The following FGD6 variants were observed in gnomAD, a reference collection of about 807,000 sequenced individuals.
The protein encoded by FGD6 is FYVE, RhoGEF and PH domain-containing protein 6.
A neutral mutation model predicts 149.4 loss-of-function variants in FGD6; 90 were observed. That is an observed-to-expected ratio of 0.60 (90% CI 0.51 to 0.72). The LOEUF (loss-of-function observed/expected upper bound fraction) is 0.72. FGD6 is among the 30% of genes least tolerant of loss of function. FGD6 has a pLI of 0.00. For missense variants in FGD6, 1,437 were observed against 1,684.8 expected, an observed-to-expected ratio of 0.85 and a Z score of 2.57; for synonymous variants, 527 against 584.0, an observed-to-expected ratio of 0.90 and a Z score of 1.41.
At chr12:95,169,417 A>G (rs1021334515) in intron 3 of FGD6, among the ~76,000 whole-genome samples, 1 of 152,182 alleles carries the variant, frequency 6.6e-6, no homozygotes, top group East Asian at 1.9e-4. Context: ...AAAATTTAAC[A>G]GGGCTACTGC....
intron 2 of FGD6, among the ~76,000 whole-genome samples, chr12:95,201,854 G>GA (rs1195056252): frequency 3.3e-5 from 5 of 151,766 alleles, no homozygotes; most frequent in Non-Finnish European, 7.4e-5. Context: ...CACAGCAATG[G>GA]AAAACTAGTT....
chr12:95,217,335 C>T lies in FGD6; in HGVS notation c.-95G>A, dbSNP rs1368490237. The T allele has an allele frequency of 7.0e-7, 1 of 1,438,716 alleles. No individual in the cohort carries two copies. Among genetic ancestry groups the T allele is most frequent in the Non-Finnish European group, 9.3e-7 (1 of 1,080,722 alleles). The allele number at this position is 1,438,716 out of a possible 1,614,324, so 89.1% of individuals were successfully genotyped here. On this transcript the variant is annotated 5_prime_UTR_variant, in exon 1 of 21. Transcript: ENST00000343958. ...CACAGTTCGGGTAGGAGAGAAAAGC[C>T]CCCGCAGCGCCCACATTCCGTCCCG...
intron 14 of FGD6, among the ~76,000 whole-genome samples, chr12:95,099,884 G>A (rs973188083): frequency 1.3e-5 from 2 of 149,728 alleles, no homozygotes; most frequent in Admixed American, 1.3e-4. Context: ...GGTACTAGGG[G>A]AGTACTAGGC....
chr12:95,154,463 T>G (rs1308246099), intron 3 of FGD6, among the ~76,000 whole-genome samples: 2 of 152,164 alleles, frequency 1.3e-5, no homozygotes, highest in Non-Finnish European at 2.9e-5. Context: ...GGAGAGAAGC[T>G]TCTCTCCATT....
intron 19 of FGD6, chr12:95,085,399 C>T (rs144000553): frequency 0.019 from 3,477 of 186,380 alleles, 58 homozygotes; most frequent in Admixed American, 0.027. Context: ...GACGGGGTTT[C>T]GCCATGTTGG....
At chr12:95,092,974 A>G (rs1320509730) in intron 15 of FGD6, 129 bp from the exon 16 acceptor site, 1 of 1,065,186 alleles carries the variant, frequency 9.4e-7, no homozygotes, top group Non-Finnish European at 1.3e-6. Context: ...TAATCCCAGC[A>G]TTTTGGGAGG....
chr12:95,089,902 T>G (rs1012522050), intron 17 of FGD6, among the ~76,000 whole-genome samples: 1 of 152,046 alleles, frequency 6.6e-6, no homozygotes, highest in Non-Finnish European at 1.5e-5. Flanking sequence ...CTTTTTGAAC[T>G]TTATGTGAAA....
At chr12:95,084,443 CCATTAAAAAACTGAAATCTCATGAAT>C in intron 20 of FGD6, 29 bp downstream of exon 20, 1 of 1,421,474 alleles carries the variant, frequency 7.0e-7, no homozygotes, top group Non-Finnish European at 9.2e-7. Context: ...TTACAAGCAA[CCATTAAAAAACTGAAATCTCATGAAT>C]AAAAGAAAAA....
chr12:95,129,789 T>C (rs982657015), intron 8 of FGD6, among the ~76,000 whole-genome samples: 2 of 152,086 alleles, frequency 1.3e-5, no homozygotes, highest in Admixed American at 1.3e-4. Flanking sequence ...TCTCCTGCCT[T>C]AGCCTCCTGA....
intron 18 of FGD6, among the ~76,000 whole-genome samples, chr12:95,087,425 T>C (rs987153354): frequency 1.3e-5 from 2 of 152,174 alleles, no homozygotes; most frequent in African/African-American, 4.8e-5. Context: ...CTAGAAACTT[T>C]CTTCCTTGCT....
Position 95,209,685 on chromosome 12 carries a change from C to T in FGD6, c.1599G>A (p.Glu533=). 6.2e-7 allele frequency: 1 copy of T among 1,613,372 alleles called. No individual in the cohort carries two copies. The highest frequency in any genetic ancestry group is 8.5e-7 in the Non-Finnish European group (1 of 1,179,890). ...SYPSSEEKSS[E]KSLERNHLQH... ...GAAGGTGATTTCTTTCTAGACTCTT[C>T]TCTGAACTTTTTTCTTCACTTGAAG... The change falls in exon 2 of 21, where the codon GAG becomes GAA. Residue 533 remains glutamate (E), a synonymous_variant. Transcript: ENST00000343958.
chr12:95,172,485 A>G, intron 3 of FGD6, 115 bp downstream of exon 3: 1 of 939,088 alleles, frequency 1.1e-6, no homozygotes, highest in South Asian at 2.8e-5. Flanking sequence ...TTAAATTTTG[A>G]AAGTGTTTTA....
At chr12:95,182,862 G>GA (rs1389606534) in intron 2 of FGD6, among the ~76,000 whole-genome samples, 1 of 152,212 alleles carries the variant, frequency 6.6e-6, no homozygotes, top group East Asian at 1.9e-4. Flanking sequence ...TAAGTTAGTA[G>GA]AAAAAACAGC....
At chr12:95,164,452 CAG>C (rs749175517) in intron 3 of FGD6, among the ~76,000 whole-genome samples, 19 of 150,760 alleles carry the variant, frequency 1.3e-4, no homozygotes, top group Non-Finnish European at 2.8e-4. Flanking sequence ...TTTTTTGAGA[CAG>C]AGTCTTGCTC....
chr12:95,209,205 T>C lies in FGD6; in HGVS notation c.2079A>G (p.Thr693=), dbSNP rs779821980. The change falls in exon 2 of 21, where the codon ACA becomes ACG. Residue 693 remains threonine (T), a synonymous_variant. Transcript: ENST00000343958. ...KRSKPIKAYS[T]ENYSLESQKK... is the part of the protein sequence containing the mutation. ...TTTGAGATTCCAGGCTATAGTTTTC[T>C]GTGGAATATGCCTTGATGGGTTTAC... 6.2e-6 allele frequency: 10 copies of C among 1,614,148 alleles called. No homozygotes were observed. Among genetic ancestry groups the C allele is most frequent in the Non-Finnish European group, 8.5e-6 (10 of 1,180,032 alleles).
At chr12:95,167,701 A>G (rs1420697984) in intron 3 of FGD6, among the ~76,000 whole-genome samples, 8 of 150,888 alleles carry the variant, frequency 5.3e-5, no homozygotes, top group East Asian at 2.0e-4. Flanking sequence ...CAGCCTCCTG[A>G]GTAGCTAGGA....
chr12:95,115,381 G>A (rs1452668018), intron 8 of FGD6, among the ~76,000 whole-genome samples: 1 of 148,212 alleles, frequency 6.7e-6, no homozygotes, highest in Non-Finnish European at 1.5e-5. Flanking sequence ...ATGACTACTG[G>A]TGTGTGCCTC....
intron 20 of FGD6, among the ~76,000 whole-genome samples, chr12:95,084,089 T>A (rs1877781410): frequency 6.6e-6 from 1 of 152,204 alleles, no homozygotes; most frequent in Admixed American, 6.5e-5. Context: ...AGCAGCTGTT[T>A]AAACTCCTGC....
At chr12:95,084,397 A>G in intron 20 of FGD6, 101 bp downstream of exon 20, 1 of 974,196 alleles carries the variant, frequency 1.0e-6, no homozygotes, top group South Asian at 2.3e-5. Context: ...TCTGATGTAA[A>G]TTTTGAGTTG....
Sources: allele counts gnomAD v4.1 joint callset (sites outside exome capture counted in the v4.1 genomes callset), GRCh38; gene constraint gnomAD v4.1.1; transcripts MANE v1.5; gene names NCBI Gene and HGNC (gene_info 2026-07-23, HGNC 2026-07-21).